SGCZ: variants seen among roughly 807,000 people sequenced by gnomAD.
SGCZ encodes sarcoglycan zeta.
In SGCZ, 40 loss-of-function variants were observed where a neutral mutation model predicts 41.3. The observed-to-expected ratio is 0.97, with a 90% confidence interval of 0.75 to 1.26. SGCZ has a LOEUF of 1.26. SGCZ is among the 50% of genes most tolerant of loss of function. SGCZ has a pLI of 0.00. For missense variants in SGCZ, 552 were observed against 369.8 expected (o/e 1.49, Z -4.04); for synonymous variants, 206 against 137.5 (o/e 1.50, Z -3.49).
chr8:14,675,701 T>C (rs1002351946), intron 1 of SGCZ, among the ~76,000 whole-genome samples: 1 of 152,188 alleles, frequency 6.6e-6, no homozygotes, highest in African/African-American at 2.4e-5. Context: ...TGATTTCCCG[T>C]CTTGCCTTAA....
intron 2 of SGCZ, among the ~76,000 whole-genome samples, chr8:14,540,627 TTC>T (rs1294589605): frequency 1.3e-5 from 2 of 151,974 alleles, no homozygotes; most frequent in African/African-American, 2.4e-5. Context: ...CATTTTCACT[TTC>T]TGTTTAACTA....
At chr8:15,090,939 C>G (rs1806135317) in intron 1 of SGCZ, among the ~76,000 whole-genome samples, 1 of 152,130 alleles carries the variant, frequency 6.6e-6, no homozygotes, top group Admixed American at 6.6e-5. Context: ...GACAAGTGAC[C>G]TGGATTTTTC....
At chr8:15,033,901 C>T (rs530341091) in intron 1 of SGCZ, among the ~76,000 whole-genome samples, 1 of 152,302 alleles carries the variant, frequency 6.6e-6, no homozygotes, top group East Asian at 1.9e-4. Context: ...CACATCAAGC[C>T]AGCATGCAGG....
intron 1 of SGCZ, among the ~76,000 whole-genome samples, chr8:14,604,683 A>G (rs2117322002): frequency 6.6e-6 from 1 of 152,308 alleles, no homozygotes. Context: ...AACCCATTAT[A>G]AACGCAGACT....
At chr8:14,245,003 T>A (rs571015395) in intron 3 of SGCZ, among the ~76,000 whole-genome samples, 1 of 152,122 alleles carries the variant, frequency 6.6e-6, no homozygotes, top group Admixed American at 6.5e-5. Context: ...GCTGAGACAA[T>A]GGGGTTTTCT....
At chr8:14,759,954 T>G (rs901903832) in intron 1 of SGCZ, among the ~76,000 whole-genome samples, 5 of 152,190 alleles carry the variant, frequency 3.3e-5, no homozygotes, top group Non-Finnish European at 7.3e-5. Flanking sequence ...TTTAAAAACT[T>G]GAAATTGTAA....
chr8:14,414,514 TA>T, intron 2 of SGCZ, among the ~76,000 whole-genome samples: 1 of 151,854 alleles, frequency 6.6e-6, no homozygotes, highest in Non-Finnish European at 1.5e-5. Flanking sequence ...TTAGGCAAAT[TA>T]AAAGACCAAC....
At chr8:15,126,121 G>A (rs1244941942) in intron 1 of SGCZ, among the ~76,000 whole-genome samples, 1 of 152,134 alleles carries the variant, frequency 6.6e-6, no homozygotes, top group Non-Finnish European at 1.5e-5. Context: ...ATTCCAGCCT[G>A]GGCAACAGAG....
At chr8:14,705,033 A>G (rs1160091125) in intron 1 of SGCZ, among the ~76,000 whole-genome samples, 4 of 151,976 alleles carry the variant, frequency 2.6e-5, no homozygotes, top group Non-Finnish European at 4.4e-5. Flanking sequence ...CCACCAAACC[A>G]CAGATTTTTA....
At chr8:14,331,516 A>G (rs1464823498) in intron 2 of SGCZ, among the ~76,000 whole-genome samples, 3 of 152,086 alleles carry the variant, frequency 2.0e-5, no homozygotes, top group Non-Finnish European at 2.9e-5. Flanking sequence ...TTTCATTTTA[A>G]TTGGCCTCCC....
chr8:15,222,800 G>T (rs1030239088), intron 1 of SGCZ, among the ~76,000 whole-genome samples: 1 of 150,618 alleles, frequency 6.6e-6, no homozygotes, highest in Admixed American at 6.6e-5. Flanking sequence ...TGCATGTGTG[G>T]GTGTGTGTGT....
chr8:14,324,999 T>C (rs1186395605), intron 2 of SGCZ, among the ~76,000 whole-genome samples: 3 of 152,150 alleles, frequency 2.0e-5, no homozygotes, highest in African/African-American at 7.2e-5. Context: ...GAGATTTCTA[T>C]TTTTGAATAT....
chr8:15,227,106 A>C (rs997729553), intron 1 of SGCZ, among the ~76,000 whole-genome samples: 6 of 152,220 alleles, frequency 3.9e-5, no homozygotes, highest in African/African-American at 1.2e-4. Flanking sequence ...ATGTAGCCCA[A>C]GAGAAAGGTG....
At chr8:14,444,500 A>C (rs1356352015) in intron 2 of SGCZ, among the ~76,000 whole-genome samples, 3 of 152,162 alleles carry the variant, frequency 2.0e-5, no homozygotes, top group Non-Finnish European at 4.4e-5. Flanking sequence ...TGATGAGTTC[A>C]TGTCCTTTGT....
intron 1 of SGCZ, among the ~76,000 whole-genome samples, chr8:14,673,967 T>C (rs1009420307): frequency 2.0e-5 from 3 of 152,192 alleles, no homozygotes; most frequent in African/African-American, 7.2e-5. Flanking sequence ...GCAGTAAATA[T>C]CTTTGTTATT....
intron 5 of SGCZ, among the ~76,000 whole-genome samples, chr8:14,136,250 G>C (rs1205186792): frequency 6.6e-6 from 1 of 152,148 alleles, no homozygotes; most frequent in Non-Finnish European, 1.5e-5. Flanking sequence ...GAAGACAGGT[G>C]ATTTCTGCAT....
chr8:14,361,651 T>C, intron 2 of SGCZ, among the ~76,000 whole-genome samples: 1 of 152,196 alleles, frequency 6.6e-6, no homozygotes, highest in East Asian at 1.9e-4. Flanking sequence ...GAGAAGTTTG[T>C]TATTACCGAC....
At chr8:14,416,531 C>T (rs893687806) in intron 2 of SGCZ, among the ~76,000 whole-genome samples, 10 of 151,580 alleles carry the variant, frequency 6.6e-5, no homozygotes, top group African/African-American at 1.5e-4. Context: ...CAGATGCCTC[C>T]GACAGAGAAA....
intron 2 of SGCZ, among the ~76,000 whole-genome samples, chr8:14,394,153 T>TCCCCCC (rs1563300661): frequency 3.4e-5 from 3 of 87,582 alleles, no homozygotes; most frequent in African/African-American, 1.1e-4. Context: ...CTTTTTTTTT[T>TCCCCCC]TTTTTTTTTT....
Sources: allele counts gnomAD v4.1 joint callset (sites outside exome capture counted in the v4.1 genomes callset), GRCh38; gene constraint gnomAD v4.1.1; transcripts MANE v1.5; gene names NCBI Gene and HGNC (gene_info 2026-07-23, HGNC 2026-07-21).